Variants in C4orf50 observed in about 807,000 individuals in gnomAD.
The protein encoded by C4orf50 is uncharacterized protein C4orf50.
In C4orf50, 80 loss-of-function variants were observed where a neutral mutation model predicts 77.2. The observed-to-expected ratio is 1.04, with a 90% CI of 0.87 to 1.25. C4orf50 has a LOEUF of 1.25. Among genes scored for constraint, C4orf50 ranks in the 50% most tolerant of loss-of-function variants. The probability of loss-of-function intolerance (pLI) is 0.00; values close to 1 mark genes in which losing one functional copy is unlikely to be tolerated. For missense variants in C4orf50, 1,257 were observed against 1,152.9 expected (o/e 1.09, Z -1.31); for synonymous variants, 532 against 465.3 (o/e 1.14, Z -1.84).
intron 29 of C4orf50, 149 bp from the exon 8 acceptor site, chr4:5,976,104 C>A: frequency 1.5e-6 from 1 of 651,016 alleles, no homozygotes; most frequent in East Asian, 2.7e-5. Context: ...GGGCCTTTCC[C>A]ACCACCTGCC....
At chr4:5,977,598 C>T (rs1577957910) in intron 29 of C4orf50, among the ~76,000 whole-genome samples, 2 of 145,840 alleles carry the variant, frequency 1.4e-5, no homozygotes, top group East Asian at 3.9e-4. Flanking sequence ...TAACCAGTTC[C>T]TTGTTTATGG....
chr4:5,967,301 GTAGCATGAATGCGAC>G, intron 32 of C4orf50, 98 bp downstream of exon 10: 1 of 831,928 alleles, frequency 1.2e-6, no homozygotes, highest in Non-Finnish European at 2.1e-6. Flanking sequence ...GTTCCTTTTA[GTAGCATGAATGCGAC>G]AGTGGGCATC....
chr4:5,995,383 G>A (rs1721521665), intron 25 of C4orf50, among the ~76,000 whole-genome samples: 1 of 152,064 alleles, frequency 6.6e-6, no homozygotes, highest in African/African-American at 2.4e-5. Context: ...TCCACAGTGT[G>A]GAGCTTCCCC....
chr4:5,999,199 T>C, intron 25 of C4orf50, among the ~76,000 whole-genome samples: 1 of 152,186 alleles, frequency 6.6e-6, no homozygotes, highest in East Asian at 1.9e-4. Context: ...GTTCACACCA[T>C]GGCTCCCAGA....
intron 30 of C4orf50, among the ~76,000 whole-genome samples, chr4:5,974,489 A>C (rs1198572254): frequency 1.3e-5 from 2 of 152,146 alleles, no homozygotes; most frequent in South Asian, 4.1e-4. Context: ...TGTGGGGTGG[A>C]AAATAACTTT....
At chr4:5,979,963 G>T (rs1159940865) in intron 29 of C4orf50, among the ~76,000 whole-genome samples, 2 of 151,672 alleles carry the variant, frequency 1.3e-5, no homozygotes, top group African/African-American at 2.4e-5. Flanking sequence ...CCACATATGT[G>T]CATTTTTTAA....
chr4:5,905,296 T>C lies in C4orf50; in HGVS notation c.*2475-7108A>G, dbSNP rs1716501081. On this transcript the variant is annotated intron_variant, in intron 7 of 7. Transcript: ENST00000324058. The surrounding 1 kb of genome is among the most constrained non-coding windows in gnomAD (Gnocchi z 5.4). ...TCATACAGAGTAGAAGTATTCCCTA[T>C]TAGTGACTTGAGACAGGAAGATGGT... is the stretch of plus-strand genomic sequence containing the variant. 6.6e-6 allele frequency: 1 copy of C among 152,190 alleles called. No homozygotes were observed. Among genetic ancestry groups the C allele is most frequent in the Non-Finnish European group, 1.5e-5 (1 of 68,042 alleles). 9.4% of individuals were successfully genotyped at this position (152,190 alleles called of 1,614,324 possible).
chr4:5,997,501 G>A (rs796192687), intron 25 of C4orf50, among the ~76,000 whole-genome samples: 72 of 152,304 alleles, frequency 4.7e-4, no homozygotes, highest in African/African-American at 1.7e-3. Context: ...ACAGTAAGTC[G>A]ACAGGAGCAC....
intron 29 of C4orf50, 54 bp downstream of exon 7, chr4:5,980,120 C>G: frequency 6.7e-7 from 1 of 1,490,004 alleles, no homozygotes; most frequent in Non-Finnish European, 9.0e-7. Context: ...CCCAAAACGC[C>G]CCGGGGTGTG....
chr4:5,913,397 T>C (rs1275713243), intron 7 of C4orf50, among the ~76,000 whole-genome samples: 1 of 150,336 alleles, frequency 6.7e-6, no homozygotes, highest in African/African-American at 2.4e-5. Context: ...GAACACATTT[T>C]GAGTGAGGGT....
intron 7 of C4orf50, among the ~76,000 whole-genome samples, chr4:5,907,103 G>C (rs1305910017): frequency 6.6e-6 from 1 of 152,194 alleles, no homozygotes; most frequent in African/African-American, 2.4e-5. Flanking sequence ...GGGTACTGCT[G>C]CAGTCAGTGA....
intron 25 of C4orf50, among the ~76,000 whole-genome samples, chr4:6,006,111 T>C (rs1722241421): frequency 6.6e-6 from 1 of 152,154 alleles, no homozygotes; most frequent in South Asian, 2.1e-4. Flanking sequence ...AAACAGGAAA[T>C]GTACAACAGC....
At chr4:5,993,204 C>T (rs552940081) in intron 26 of C4orf50, among the ~76,000 whole-genome samples, 2 of 152,182 alleles carry the variant, frequency 1.3e-5, no homozygotes, top group Non-Finnish European at 2.9e-5. Context: ...GGACAAAATC[C>T]ACCAAACCTT....
intron 7 of C4orf50, among the ~76,000 whole-genome samples, chr4:5,921,679 G>A (rs1717280025): frequency 1.3e-5 from 2 of 151,984 alleles, no homozygotes; most frequent in Admixed American, 1.3e-4. Flanking sequence ...GAGGAGGAGG[G>A]GACACTCGAG....
intron 33 of C4orf50, among the ~76,000 whole-genome samples, chr4:5,964,791 T>A (rs1366277757): frequency 2.8e-4 from 28 of 98,762 alleles, no homozygotes; most frequent in African/African-American, 3.2e-4. Context: ...AAAAAAAAAA[T>A]GTCACCAGAC....
intron 24 of C4orf50, among the ~76,000 whole-genome samples, chr4:6,010,228 A>G (rs1026431806): frequency 8.5e-5 from 13 of 152,164 alleles, no homozygotes; most frequent in African/African-American, 2.9e-4. Context: ...CGCTCTACCT[A>G]TGATAAAACT....
At chr4:5,980,511 T>C (rs527934327) in intron 28 of C4orf50, among the ~76,000 whole-genome samples, 173 bp from the exon 7 acceptor site, 1 of 152,138 alleles carries the variant, frequency 6.6e-6, no homozygotes, top group East Asian at 1.9e-4. Context: ...CAGAAATCAC[T>C]CCCAATCTGA....
intron 7 of C4orf50, among the ~76,000 whole-genome samples, chr4:5,911,864 G>A (rs1313050817): frequency 1.3e-5 from 2 of 152,160 alleles, no homozygotes; most frequent in Admixed American, 6.5e-5. Context: ...TGGCCAACAT[G>A]GTGAAACCCC....
At chr4:6,004,085 A>AGTGATGATG (rs1722042898) in intron 25 of C4orf50, among the ~76,000 whole-genome samples, 1 of 23,792 alleles carries the variant, frequency 4.2e-5, no homozygotes, top group Non-Finnish European at 8.5e-5. Flanking sequence ...ATGATGTGAT[A>AGTGATGATG]GTGATGATGG....
Sources: allele counts gnomAD v4.1 joint callset (sites outside exome capture counted in the v4.1 genomes callset), GRCh38; gene constraint gnomAD v4.1.1; non-coding constraint Gnocchi (gnomAD v3.1); transcripts MANE v1.5; gene names NCBI Gene and HGNC (gene_info 2026-07-23, HGNC 2026-07-21).